Variants in PHF24 observed in about 807,000 individuals in gnomAD.
The protein encoded by PHF24 is Galpha inhibitory interacting protein.
PHF24 carries 25 observed loss-of-function variants against 42.6 expected under a neutral mutation model. The ratio of observed to expected loss-of-function variants is 0.59; its 90% CI spans 0.43 to 0.82. The LOEUF is 0.82. Ranked by LOEUF, PHF24 falls within the 40% of genes least tolerant of loss-of-function variation. The pLI is 0.00. For synonymous variants in PHF24, 185 were observed against 204.8 expected, an observed-to-expected ratio of 0.90 and a Z score of 0.83; for missense variants, 470 against 538.1, an observed-to-expected ratio of 0.87 and a Z score of 1.25.
chr9:34,977,213 G>A lies in PHF24; in HGVS notation c.980G>A (p.Arg327Gln), dbSNP rs201270505. The A allele has an allele frequency of 9.6e-5, 154 of 1,611,764 alleles. 1 individual carries two copies. In the Middle Eastern group the frequency reaches 1.7e-3, roughly 17 times the overall value. The stretch of plus-strand genomic sequence containing the variant: ...GCCCAGCACTCTTGGTTTTGCAAAC[G>A]GTTCCCAGAGGCTCCTTCCTGCAGT... The change falls in exon 6 of 8, where the codon CGG (arginine) becomes CAG (glutamine). Residue 327 changes from arginine (R) to glutamine (Q), a missense_variant. Coordinates refer to ENST00000242315, the Ensembl canonical transcript of PHF24.
chr9:34,846,994 C>T, the PHF24 span, among the ~76,000 whole-genome samples: 9 of 152,110 alleles, frequency 5.9e-5, no homozygotes, highest in Non-Finnish European at 1.0e-4. Flanking sequence ...GCTGTTTTGC[C>T]TACTGTAGCC....
chr9:34,810,737 C>G, the PHF24 span, among the ~76,000 whole-genome samples: 1 of 152,164 alleles, frequency 6.6e-6, no homozygotes, highest in African/African-American at 2.4e-5. Flanking sequence ...CACCGTGGCC[C>G]AGAGGTGGAG....
At chr9:34,708,828 C>T in the PHF24 span, among the ~76,000 whole-genome samples, 2 of 152,214 alleles carry the variant, frequency 1.3e-5, no homozygotes, top group Non-Finnish European at 2.9e-5. Context: ...TGGGTCCTAC[C>T]CTGTCCTTCA....
chr9:34,867,012 G>A, the PHF24 span, among the ~76,000 whole-genome samples: 1 of 152,174 alleles, frequency 6.6e-6, no homozygotes, highest in Non-Finnish European at 1.5e-5. Flanking sequence ...GGAAAGTCCT[G>A]CTGCTGTATA....
chr9:34,820,734 C>A, the PHF24 span, among the ~76,000 whole-genome samples: 1 of 152,080 alleles, frequency 6.6e-6, no homozygotes, highest in African/African-American at 2.4e-5. Flanking sequence ...GATTTATATT[C>A]CTTTGGGTAT....
the PHF24 span, among the ~76,000 whole-genome samples, chr9:34,845,393 C>A: frequency 6.6e-6 from 1 of 151,784 alleles, no homozygotes; most frequent in Non-Finnish European, 1.5e-5. Flanking sequence ...TTTTATAGAC[C>A]CTTTATTCCT....
chr9:34,698,098 C>G, the PHF24 span, among the ~76,000 whole-genome samples: 1 of 152,046 alleles, frequency 6.6e-6, no homozygotes. Context: ...TCTACTCGAC[C>G]CATACAAGTG....
At chr9:34,882,907 A>T in the PHF24 span, among the ~76,000 whole-genome samples, 2 of 152,184 alleles carry the variant, frequency 1.3e-5, no homozygotes, top group Admixed American at 6.5e-5. Flanking sequence ...CATTGCCAAG[A>T]CAATCCTAAG....
At chr9:34,919,711 T>C in the PHF24 span, among the ~76,000 whole-genome samples, 51 of 63,058 alleles carry the variant, frequency 8.1e-4, no homozygotes, top group South Asian at 4.4e-3. Context: ...CACACACACA[T>C]CCCAACCCCT....
At chr9:34,817,371 A>G in the PHF24 span, among the ~76,000 whole-genome samples, 4 of 152,080 alleles carry the variant, frequency 2.6e-5, no homozygotes, top group African/African-American at 7.2e-5. Context: ...CAGTCTCCCA[A>G]GTAGCTGGGA....
upstream of PHF24, among the ~76,000 whole-genome samples, chr9:34,956,618 C>A (rs1011069358): frequency 2.0e-5 from 3 of 152,192 alleles, no homozygotes; most frequent in Non-Finnish European, 4.4e-5. Context: ...GATGTTACAA[C>A]CTCCTTTTCC....
At chr9:34,867,520 A>G in the PHF24 span, among the ~76,000 whole-genome samples, 1 of 152,190 alleles carries the variant, frequency 6.6e-6, no homozygotes, top group Non-Finnish European at 1.5e-5. Flanking sequence ...ACAGGCTTCA[A>G]GAGCACTGTA....
At chr9:34,810,516 G>A in the PHF24 span, among the ~76,000 whole-genome samples, 1 of 152,152 alleles carries the variant, frequency 6.6e-6, no homozygotes, top group Non-Finnish European at 1.5e-5. Context: ...GACCGCCTGG[G>A]AACATAGGGG....
At chr9:34,924,945 C>A in the PHF24 span, among the ~76,000 whole-genome samples, 7 of 152,092 alleles carry the variant, frequency 4.6e-5, no homozygotes, top group Non-Finnish European at 7.4e-5. Flanking sequence ...ATTGGCTCTA[C>A]CTGTGAGTTT....
At chr9:34,896,661 T>C in the PHF24 span, among the ~76,000 whole-genome samples, 1 of 152,198 alleles carries the variant, frequency 6.6e-6, no homozygotes, top group Non-Finnish European at 1.5e-5. Flanking sequence ...TATGAAAATC[T>C]GAATTTGAAT....
chr9:34,793,816 T>C, the PHF24 span, among the ~76,000 whole-genome samples: 1 of 150,462 alleles, frequency 6.6e-6, no homozygotes, highest in African/African-American at 2.5e-5. Flanking sequence ...CCCCAAGCAA[T>C]GATTTTGGAA....
chr9:34,724,071 C>T, the PHF24 span: 11 of 1,521,838 alleles, frequency 7.2e-6, no homozygotes, highest in African/African-American at 5.5e-5. Context: ...TGGTCCCTGG[C>T]TGCTTTGGTT....
At chr9:34,700,772 G>A in the PHF24 span, among the ~76,000 whole-genome samples, 1 of 150,578 alleles carries the variant, frequency 6.6e-6, no homozygotes, top group Admixed American at 6.6e-5. Flanking sequence ...TCTAAGTCCT[G>A]GACCTCTCCA....
chr9:34,935,739 G>T, the PHF24 span, among the ~76,000 whole-genome samples: 8,838 of 148,938 alleles, frequency 0.059, 347 homozygotes, highest in Non-Finnish European at 0.072. Context: ...TGTGTGTGGG[G>T]GGGGGGTGTG....
Sources: allele counts gnomAD v4.1 joint callset (sites outside exome capture counted in the v4.1 genomes callset), GRCh38; gene constraint gnomAD v4.1.1; transcripts MANE v1.5; gene names NCBI Gene and HGNC (gene_info 2026-07-23, HGNC 2026-07-21).